Variants in XG observed in about 807,000 individuals in gnomAD.
XG encodes the protein Xg glycoprotein (Xg blood group).
Under a neutral mutation model 25.7 loss-of-function variants are expected in XG, and 24 were observed. The ratio of observed to expected loss-of-function variants is 0.93; its 90% CI spans 0.68 to 1.31. The LOEUF (loss-of-function observed/expected upper bound fraction) is 1.31. Ranked by LOEUF, XG falls within the 40% of genes most tolerant of loss-of-function variation. The pLI is 0.00. For synonymous variants in XG, 77 were observed against 69.2 expected (o/e 1.11, Z -0.56); for missense variants, 181 against 187.6 (o/e 0.96, Z 0.21).
intron 1 of XG, among the ~76,000 whole-genome samples, chrX:2,754,071 T>C (rs2050385482): frequency 6.6e-6 from 1 of 152,130 alleles, no homozygotes; most frequent in Admixed American, 6.6e-5. Context: ...TAAATGCACT[T>C]ACAACATAAA....
chrX:2,756,249 A>G (rs766089037), intron 1 of XG, among the ~76,000 whole-genome samples: 163 of 152,330 alleles, frequency 1.1e-3, no homozygotes, highest in African/African-American at 3.8e-3. Flanking sequence ...AGACAAAATC[A>G]GGTCTTCTAA....
At position 2,792,832 on chromosome X, in the gene XG, G is replaced by T. The variant is rs545832799; in HGVS notation, c.254-1703G>T. Among the ~76,000 whole-genome samples, 11 of 111,437 alleles carry T rather than the reference G, an allele frequency of 9.9e-5. No individual in the cohort carries two copies. In the South Asian group the frequency reaches 4.2e-3, roughly 42 times the overall value. On this transcript the variant is annotated intron_variant, in intron 5 of 10. Transcript: ENST00000644266. Reference sequence around the variant, plus strand: ...GGTTAGGGGCACTCACTTACCGGCAGTCCCAAAGCTCTGGAGAGTCTGTGC... The same window carrying T: ...GGTTAGGGGCACTCACTTACCGGCATTCCCAAAGCTCTGGAGAGTCTGTGC...
chrX:2,769,728 C>G (rs971004907), intron 1 of XG, among the ~76,000 whole-genome samples: 6 of 152,206 alleles, frequency 3.9e-5, no homozygotes, highest in Non-Finnish European at 8.8e-5. Context: ...ATGTTCTCTT[C>G]TCTCTGCTGC....
intron 4 of XG, among the ~76,000 whole-genome samples, chrX:2,786,131 T>C (rs2086780974): frequency 9.1e-6 from 1 of 110,360 alleles, no homozygotes; most frequent in Non-Finnish European, 1.9e-5. Flanking sequence ...TTGGCTTCCA[T>C]GAGCTCCTGT....
At chrX:2,767,491 A>C (rs2050725943) in intron 1 of XG, among the ~76,000 whole-genome samples, 1 of 152,170 alleles carries the variant, frequency 6.6e-6, no homozygotes, top group Non-Finnish European at 1.5e-5. Context: ...TCAGTTCACT[A>C]ACTATAAGCA....
In XG at chrX:2,815,802, C is replaced by A. The variant is rs921015019; in HGVS notation, c.*1422C>A. On this transcript the variant is annotated 3_prime_UTR_variant, in exon 11 of 11. Transcript: ENST00000644266. ...GTGAAAAAACCTGTGTTTTTAGTTA[C>A]ACACACACACACACACACACCTACT... The A allele has an allele frequency of 9.5e-6, 1 of 104,795 alleles. No homozygotes were observed. Among genetic ancestry groups the A allele is most frequent in the African/African-American group, 3.7e-5 (1 of 27,154 alleles). The allele number at this position is 104,795 out of a possible 1,213,427, so 8.6% of individuals were successfully genotyped here. A position where few individuals can be genotyped will look rare whatever the true frequency, so the allele number is the denominator to read the frequency against.
At chrX:2,764,829 C>A (rs1221674117) in intron 1 of XG, among the ~76,000 whole-genome samples, 1 of 148,204 alleles carries the variant, frequency 6.7e-6, no homozygotes, top group Non-Finnish European at 1.5e-5. Flanking sequence ...TCACTTCATG[C>A]CAGGAGTTCA....
chrX:2,764,873 A>T (rs2535453), intron 1 of XG, among the ~76,000 whole-genome samples: 19,778 of 144,546 alleles, frequency 0.14, 1,460 homozygotes, highest in Middle Eastern at 0.22. Flanking sequence ...AAACCCCGTC[A>T]TTACTAAAAA....
chrX:2,756,898 G>A (rs2050447682), intron 1 of XG, among the ~76,000 whole-genome samples: 1 of 152,148 alleles, frequency 6.6e-6, no homozygotes, highest in Non-Finnish European at 1.5e-5. Flanking sequence ...GGCGTTTTAC[G>A]GTGCTCTTTT....
intron 1 of XG, among the ~76,000 whole-genome samples, chrX:2,767,388 G>A (rs2050723921): frequency 6.6e-6 from 1 of 152,036 alleles, no homozygotes; most frequent in Non-Finnish European, 1.5e-5. Flanking sequence ...GCCAGCAACC[G>A]AGGACCGTTG....
At position 2,815,576 on chromosome X, in the gene XG, G is replaced by A. The variant is rs12688488; in HGVS notation, c.*1196G>A. On this transcript the variant is annotated 3_prime_UTR_variant, in exon 11 of 11. Transcript: ENST00000644266. ...AAAATATCTTTAATCATTCACATTAGGTACCTCGGAGTTGCGGGTCTCAAA... is the reference window on the plus strand; with the variant it reads ...AAAATATCTTTAATCATTCACATTAAGTACCTCGGAGTTGCGGGTCTCAAA... The A allele has an allele frequency of 4.5e-5, 5 of 111,140 alleles. No homozygotes were observed. Among genetic ancestry groups the A allele is most frequent in the Non-Finnish European group, 9.4e-5 (5 of 53,038 alleles). 9.2% of individuals were successfully genotyped at this position (111,140 alleles called of 1,213,427 possible). A position where few individuals can be genotyped will look rare whatever the true frequency, so the allele number is the denominator to read the frequency against.
At chrX:2,772,668 C>T (rs1486480890) in intron 2 of XG, among the ~76,000 whole-genome samples, 1 of 152,136 alleles carries the variant, frequency 6.6e-6, no homozygotes, top group East Asian at 1.9e-4. Context: ...ATATGAAACA[C>T]CATTGAATTG....
At chrX:2,801,739 C>G (rs311192) in intron 7 of XG, among the ~76,000 whole-genome samples, 56,525 of 108,935 alleles carry the variant, frequency 0.52, 11,655 homozygotes, top group Admixed American at 0.69. Flanking sequence ...GACGGAGTCT[C>G]GCTCTGTCGC....
chrX:2,762,748 T>C (rs1454984927), intron 1 of XG, among the ~76,000 whole-genome samples: 1 of 152,160 alleles, frequency 6.6e-6, no homozygotes, highest in East Asian at 1.9e-4. Flanking sequence ...AACCTAGTCA[T>C]ATGATTTAAT....
At chrX:2,760,000 T>G (rs1297075159) in intron 1 of XG, among the ~76,000 whole-genome samples, 1 of 152,096 alleles carries the variant, frequency 6.6e-6, no homozygotes, top group Non-Finnish European at 1.5e-5. Context: ...TGGATTCTGG[T>G]CTGATCCAGG....
chrX:2,752,107 A>G lies in XG; in HGVS notation c.-168A>G. ...TGTGGAGTTTGGGATCTGAGCTTGG[A>G]GCCCATTTGTTTCTGGCAGTTCCGC... On this transcript the variant is annotated 5_prime_UTR_variant, in exon 1 of 11. Transcript: ENST00000644266. The G allele has an allele frequency of 8.9e-7, 1 of 1,120,812 alleles. No individual in the cohort carries two copies. The highest frequency in any genetic ancestry group is 1.6e-5 in the South Asian group (1 of 61,690). The allele number at this position is 1,120,812 out of a possible 1,614,324, so 69.4% of individuals were successfully genotyped here. A position where few individuals can be genotyped will look rare whatever the true frequency, so the allele number is the denominator to read the frequency against.
chrX:2,810,808 C>T (rs1451613283), intron 9 of XG, among the ~76,000 whole-genome samples: 2 of 110,775 alleles, frequency 1.8e-5, no homozygotes, highest in African/African-American at 3.3e-5. Flanking sequence ...CCCAGCTATT[C>T]GGGAGGCTGA....
At chrX:2,791,748 A>G (rs1333853895) in intron 5 of XG, among the ~76,000 whole-genome samples, 6 of 110,290 alleles carry the variant, frequency 5.4e-5, no homozygotes, top group African/African-American at 2.0e-4. Flanking sequence ...CTGGCACACA[A>G]TGAGTCCTAG....
intron 3 of XG, among the ~76,000 whole-genome samples, chrX:2,781,491 T>G (rs1167516494): frequency 1.2e-5 from 1 of 86,384 alleles, no homozygotes; most frequent in Non-Finnish European, 2.3e-5. Flanking sequence ...CACTTATGTC[T>G]TTAGATAAAT....
Sources: allele counts gnomAD v4.1 joint callset (sites outside exome capture counted in the v4.1 genomes callset), GRCh38; gene constraint gnomAD v4.1.1; transcripts MANE v1.5; gene names NCBI Gene and HGNC (gene_info 2026-07-23, HGNC 2026-07-21).